The following MAP1A variants were observed in gnomAD, a reference collection of about 807,000 sequenced individuals.
MAP1A encodes the protein microtubule-associated protein 1A.
A neutral mutation model predicts 185.9 loss-of-function variants in MAP1A; 42 were observed. The ratio of observed to expected loss-of-function variants is 0.23; its 90% CI spans 0.18 to 0.29. MAP1A has a LOEUF of 0.29. MAP1A is among the 10% of genes least tolerant of loss of function. MAP1A has a pLI of 1.00. For synonymous variants in MAP1A, 1,229 were observed against 1,335.9 expected (o/e 0.92, Z 1.74); for missense variants, 2,995 against 3,450.4 (o/e 0.87, Z 3.31).
At position 43,523,406 on chromosome 15, in the gene MAP1A, G is replaced by A; in HGVS notation, c.1933G>A (p.Glu645Lys). ...PDRTEAREES[E>K]PEVKEDVIEK... ...CAGAACAGAAGCCAGAGAGGAAAGT[G>A]AACCTGAAGTAAAGGAGGATGTGAT... is the stretch of plus-strand genomic sequence containing the variant. The change falls in exon 4 of 6, where the codon GAA (glutamate) becomes AAA (lysine). Residue 645 changes from glutamate (E) to lysine (K), a missense_variant. Physicochemically the swap from Glu to Lys is moderately conservative, Grantham distance 56. Transcript: ENST00000300231. 1 of 1,613,000 alleles carries A rather than the reference G, an allele frequency of 6.2e-7. No individual in the cohort carries two copies. Among genetic ancestry groups the A allele is most frequent in the Non-Finnish European group, 8.5e-7 (1 of 1,179,396 alleles).
chr15:43,524,101 T>G lies in MAP1A; in HGVS notation c.2628T>G (p.Pro876=). The G allele has an allele frequency of 6.2e-7, 1 of 1,614,132 alleles. No individual in the cohort carries two copies. The highest frequency in any genetic ancestry group is 1.1e-5 in the South Asian group (1 of 91,090). Residue 876 remains proline, a synonymous_variant, in exon 4 of 6, where the codon CCT becomes CCG. Transcript: ENST00000300231. The part of the protein sequence containing the change: ...SLLLDTVTSI[P]SSRTEATQGL... ...TGCTTGACACAGTCACAAGCATCCC[T>G]TCCTCCCGTACTGAAGCTACGCAGG...
At position 43,530,443 on chromosome 15, in the gene MAP1A, G is replaced by A. The variant is rs1595652265; in HGVS notation, c.*219G>A. 1.7e-6 allele frequency: 1 copy of A among 582,726 alleles called. No individual in the cohort carries two copies. The highest frequency in any genetic ancestry group is 2.9e-5 in the East Asian group (1 of 34,156). 36.1% of individuals were successfully genotyped at this position (582,726 alleles called of 1,614,324 possible). A position where few individuals can be genotyped will look rare whatever the true frequency, so the allele number is the denominator to read the frequency against. ...CCAAAGTTAACAGGGAGAGGATGGG[G>A]GAGGGGACAAATTAGAATAGGATAG... On this transcript the variant is annotated 3_prime_UTR_variant, in exon 6 of 6. Coordinates refer to ENST00000300231, the MANE Select transcript of MAP1A (RefSeq NM_002373.6).
chr15:43,523,079 G>A lies in MAP1A; in HGVS notation c.1606G>A (p.Glu536Lys), dbSNP rs2080770032. The change falls in exon 4 of 6, where the codon GAG (glutamate) becomes AAG (lysine). Residue 536 changes from glutamate (E) to lysine (K), a missense_variant. By Grantham distance (56) the Glu-to-Lys change is moderately conservative. Coordinates refer to ENST00000300231, the MANE Select transcript of MAP1A (RefSeq NM_002373.6). Reference protein sequence around the residue: ...SSPEDLTQDFEEMKREERALL... With the variant: ...SSPEDLTQDFKEMKREERALL... ...ACCAGAGGACCTCACACAGGACTTT[G>A]AGGAGATGAAGCGTGAGGAGAGGGC... The A allele has an allele frequency of 6.2e-7, 1 of 1,614,206 alleles. No homozygotes were observed. Among genetic ancestry groups the A allele is most frequent in the Non-Finnish European group, 8.5e-7 (1 of 1,180,028 alleles).
chr15:43,523,578 G>C lies in MAP1A; in HGVS notation c.2105G>C (p.Arg702Pro). Residue 702 changes from arginine to proline, a missense_variant, in exon 4 of 6, where the codon CGG becomes CCG. Around this residue, in one of 3 missense-constraint regions of MAP1A, gnomAD observed 2,728 missense variants for 2,986.0 expected, o/e 0.91. Coordinates refer to ENST00000300231, the MANE Select transcript of MAP1A (RefSeq NM_002373.6). ...TPRSREAFGG[R>P]ELGLQGKAPE... is the part of the protein sequence containing the mutation. ...AGGAGCCGGGAGGCTTTTGGGGGTC[G>C]GGAATTGGGACTCCAGGGCAAGGCC... 6.2e-7 allele frequency: 1 copy of C among 1,614,126 alleles called. No homozygotes were observed. Among genetic ancestry groups the C allele is most frequent in the Non-Finnish European group, 8.5e-7 (1 of 1,180,016 alleles).
chr15:43,512,900 C>T (rs1184144889), upstream of MAP1A, among the ~76,000 whole-genome samples: 1 of 152,168 alleles, frequency 6.6e-6, no homozygotes, highest in African/African-American at 2.4e-5. Context: ...CAGATCAAAG[C>T]TCACATAATG....
At position 43,523,920 on chromosome 15, in the gene MAP1A, T is replaced by A. The variant is rs1166285872; in HGVS notation, c.2447T>A (p.Val816Glu). The change falls in exon 4 of 6, where the codon GTG (valine) becomes GAG (glutamate). Residue 816 changes from valine to glutamate, a missense_variant. Val to Glu is a moderately radical substitution (Grantham distance 121). Transcript: ENST00000300231. ...ETELTYPTNI[V>E]AAPLAEEEHV... is the part of the protein sequence containing the mutation. ...GAACTCACCTACCCCACTAACATAGTGGCTGCCCCTTTGGCTGAAGAGGAA... is the reference window on the plus strand; with the variant it reads ...GAACTCACCTACCCCACTAACATAGAGGCTGCCCCTTTGGCTGAAGAGGAA... 1 of 1,614,178 alleles carries A rather than the reference T, an allele frequency of 6.2e-7. No homozygotes were observed. The highest frequency in any genetic ancestry group is 1.1e-5 in the South Asian group (1 of 91,078).
exon 2 of MAP1A, chr15:43,512,229 T>C (rs2140199677): frequency 6.5e-7 from 1 of 1,550,262 alleles, no homozygotes; most frequent in South Asian, 1.2e-5. Context: ...TCCTTTGACT[T>C]GAACCAACAG....
At position 43,528,436 on chromosome 15, in the gene MAP1A, T is replaced by A. The variant is rs200984616; in HGVS notation, c.6963T>A (p.Ala2321=). The part of the protein sequence containing the change: ...PASLDLALAP[A]PSLPGDMGDG... ...CACTGGACTTGGCCCTAGCTCCAGCTCCAAGCCTGCCTGGAGACATGGGTG... is the reference window on the plus strand; with the variant it reads ...CACTGGACTTGGCCCTAGCTCCAGCACCAAGCCTGCCTGGAGACATGGGTG... The change falls in exon 4 of 6, where the codon GCT becomes GCA. Residue 2321 remains alanine (A), a synonymous_variant. Transcript: ENST00000300231. 3.1e-6 allele frequency: 5 copies of A among 1,613,528 alleles called. No individual in the cohort carries two copies. The highest frequency in any genetic ancestry group is 4.2e-6 in the Non-Finnish European group (5 of 1,180,020).
In MAP1A at chr15:43,521,516, G is replaced by A; in HGVS notation, c.43G>A (p.Val15Met). ...AEFSEYVSETVDVPSPFDLLE... is the reference protein window; with the variant it reads ...AEFSEYVSETMDVPSPFDLLE... ...GTTCTCCGAGTATGTCTCTGAGACT[G>A]TGGACGTGCCATCCCCATTTGACCT... Residue 15 changes from valine to methionine, a missense_variant, in exon 4 of 6, where the codon GTG becomes ATG. Val to Met is a conservative substitution (Grantham distance 21). Transcript: ENST00000300231. The surrounding 1 kb of genome is among the most constrained non-coding windows in gnomAD (Gnocchi z 4.6). 1 of 1,614,156 alleles carries A rather than the reference G, an allele frequency of 6.2e-7. No homozygotes were observed. Among genetic ancestry groups the A allele is most frequent in the Non-Finnish European group, 8.5e-7 (1 of 1,180,016 alleles).
chr15:43,522,802 C>T lies in MAP1A; in HGVS notation c.1329C>T (p.Ala443=), dbSNP rs748859421. The change falls in exon 4 of 6, where the codon GCC becomes GCT. Residue 443 remains alanine, a synonymous_variant. Coordinates refer to ENST00000300231, the MANE Select transcript of MAP1A (RefSeq NM_002373.6). The surrounding 1 kb of genome is among the most constrained non-coding windows in gnomAD (Gnocchi z 5.9). ...DEGRKEEKKD[A]KKEEKRKDTK... is the part of the protein sequence containing the mutation. ...GAAGGAAGGAGGAGAAGAAGGATGC[C>T]AAGAAGGAGGAGAAGAGGAAAGATA... 1 of 1,576,560 alleles carries T rather than the reference C, an allele frequency of 6.3e-7. No individual in the cohort carries two copies. Among genetic ancestry groups the T allele is most frequent in the South Asian group, 1.2e-5 (1 of 86,870 alleles).
Position 43,521,314 on chromosome 15 carries a change from ATTC to A in MAP1A, c.-150-5_-150-3del, listed in dbSNP as rs2079318237. Reference sequence around the variant, plus strand: ...TGACCTGATCAGGTTTCTATCTCCTATTCTTCTAGATTTCCCAATTGCTCAGCA... The same window carrying A: ...TGACCTGATCAGGTTTCTATCTCCTATTCTAGATTTCCCAATTGCTCAGCA... On this transcript the variant is annotated splice_polypyrimidine_tract_variant and splice_region_variant and intron_variant, in intron 3 of 5. Transcript: ENST00000300231. This position sits in a 1 kb window ranked among gnomAD's most constrained non-coding sequence, Gnocchi z 4.6. The A allele has an allele frequency of 6.3e-7, 1 of 1,596,190 alleles. No homozygotes were observed. Among genetic ancestry groups the A allele is most frequent in the East Asian group, 2.3e-5 (1 of 44,068 alleles).
Position 43,530,224 on chromosome 15 carries a change from A to G in MAP1A, c.8412A>G (p.Ter2804TrpextTer16). Reference sequence around the variant, plus strand: ...TCCCTGCCTGCAAGATTGAGTTCTGAAAGAGCCGCCCTCCCTTCCCCAAGG... The same window carrying G: ...TCCCTGCCTGCAAGATTGAGTTCTGGAAGAGCCGCCCTCCCTTCCCCAAGG... Reference protein sequence around the residue: ...ESFPACKIEF* With the variant: ...ESFPACKIEFW Residue 2804 changes from the stop codon to tryptophan (W), a stop_lost, in exon 6 of 6, where the codon TGA becomes TGG. Coordinates refer to ENST00000300231, the MANE Select transcript of MAP1A (RefSeq NM_002373.6). 1 of 1,613,962 alleles carries G rather than the reference A, an allele frequency of 6.2e-7. No individual in the cohort carries two copies. The highest frequency in any genetic ancestry group is 1.1e-5 in the South Asian group (1 of 91,066).
At chr15:43,512,300 T>G (rs1369754214) in intron 2 of MAP1A, 5 of 1,506,970 alleles carry the variant, frequency 3.3e-6, no homozygotes, top group Admixed American at 3.9e-5. Context: ...AGGTTAGGAC[T>G]AATGTTTTAT....
chr15:43,527,555 T>C lies in MAP1A; in HGVS notation c.6082T>C (p.Ser2028Pro). Residue 2028 changes from serine to proline, a missense_variant, in exon 4 of 6, where the codon TCT (serine) becomes CCT (proline). Physicochemically the swap from Ser to Pro is moderately conservative, Grantham distance 74 (BLOSUM62 -1). This residue lies in a region of MAP1A where 2,728 missense variants were observed against 2,986.0 expected (regional missense o/e 0.91). Transcript: ENST00000300231. Reference protein sequence around the residue: ...SSPISPKSLQSDTPTFSYAAL... With the variant: ...SSPISPKSLQPDTPTFSYAAL... ...TCCTATCTCACCCAAGAGCCTCCAG[T>C]CTGACACTCCAACCTTCAGCTATGC... 3.7e-6 allele frequency: 6 copies of C among 1,614,000 alleles called. No homozygotes were observed. The highest frequency in any genetic ancestry group is 1.3e-5 in the African/African-American group (1 of 74,994).
chr15:43,525,876 A>C lies in MAP1A; in HGVS notation c.4403A>C (p.Asp1468Ala), dbSNP rs2079341103. Reference sequence around the variant, plus strand: ...AAGGATACAGCCCTGGAACAGAAGGACAAGGCCCTGGAACCAAAAGATAAA... The same window carrying C: ...AAGGATACAGCCCTGGAACAGAAGGCCAAGGCCCTGGAACCAAAAGATAAA... ...EQKDTALEQK[D>A]KALEPKDKDL... The change falls in exon 4 of 6, where the codon GAC (aspartate) becomes GCC (alanine). Residue 1468 changes from aspartate to alanine, a missense_variant. This residue lies in a region of MAP1A where 2,728 missense variants were observed against 2,986.0 expected (regional missense o/e 0.91). Coordinates refer to ENST00000300231, the MANE Select transcript of MAP1A (RefSeq NM_002373.6). 6.2e-7 allele frequency: 1 copy of C among 1,613,042 alleles called. No homozygotes were observed. The highest frequency in any genetic ancestry group is 8.5e-7 in the Non-Finnish European group (1 of 1,179,596).
rs1174349522 is a variant in MAP1A at position 43,520,992 on chromosome 15, C to T, written c.-271C>T. The T allele has an allele frequency of 6.5e-7, 1 of 1,550,024 alleles. No individual in the cohort carries two copies. The highest frequency in any genetic ancestry group is 8.7e-7 in the Non-Finnish European group (1 of 1,146,660). ...TCCAGGTTCATCATCTTCTTAGCAG[C>T]TCATCAGCTTATAAACTACTAATCT... On this transcript the variant is annotated 5_prime_UTR_variant, in exon 3 of 6. Coordinates refer to ENST00000300231, the MANE Select transcript of MAP1A (RefSeq NM_002373.6).
At position 43,521,219 on chromosome 15, in the gene MAP1A, G is replaced by T; in HGVS notation, c.-150-105G>T. ...TGACCATGGGGGGCCCTGGCAGAAA[G>T]GTAAGAGTCCACCTTGGAAAGAGGT... On this transcript the variant is annotated intron_variant, in intron 3 of 5. Coordinates refer to ENST00000300231, the MANE Select transcript of MAP1A (RefSeq NM_002373.6). The surrounding 1 kb of genome is among the most constrained non-coding windows in gnomAD (Gnocchi z 4.6). The T allele has an allele frequency of 1.4e-6, 2 of 1,475,432 alleles. No individual in the cohort carries two copies. Among genetic ancestry groups the T allele is most frequent in the Admixed American group, 2.4e-5 (1 of 41,948 alleles). 91.4% of individuals were successfully genotyped at this position (1,475,432 alleles called of 1,614,324 possible).
Position 43,527,883 on chromosome 15 carries a change from C to T in MAP1A, c.6410C>T (p.Thr2137Ile), listed in dbSNP as rs775297214. The change falls in exon 4 of 6, where the codon ACA (threonine) becomes ATA (isoleucine). Residue 2137 changes from threonine (T) to isoleucine (I), a missense_variant. Thr to Ile is a moderately conservative substitution (Grantham distance 89). Around this residue, in one of 3 missense-constraint regions of MAP1A, gnomAD observed 2,728 missense variants for 2,986.0 expected, o/e 0.91. Transcript: ENST00000300231. ...PPHPIPMGSP[T>I]LWPETEAHVS... Reference sequence around the variant, plus strand: ...CACCCCATTCCTATGGGGTCCCCCACATTATGGCCAGAAACTGAGGCACAT... The same window carrying T: ...CACCCCATTCCTATGGGGTCCCCCATATTATGGCCAGAAACTGAGGCACAT... 2 of 1,614,182 alleles carry T rather than the reference C, an allele frequency of 1.2e-6. No homozygotes were observed. The highest frequency in any genetic ancestry group is 1.1e-5 in the South Asian group (1 of 91,084).
chr15:43,523,514 T>C lies in MAP1A; in HGVS notation c.2041T>C (p.Tyr681His). 5 of 1,614,102 alleles carry C rather than the reference T, an allele frequency of 3.1e-6. No homozygotes were observed. The highest frequency in any genetic ancestry group is 4.2e-6 in the Non-Finnish European group (5 of 1,179,998). The change falls in exon 4 of 6, where the codon TAC (tyrosine) becomes CAC (histidine). Residue 681 changes from tyrosine (Y) to histidine (H), a missense_variant. Tyr to His is a moderately conservative substitution (Grantham distance 83). Around this residue, in one of 3 missense-constraint regions of MAP1A, gnomAD observed 2,728 missense variants for 2,986.0 expected, o/e 0.91. Coordinates refer to ENST00000300231, the MANE Select transcript of MAP1A (RefSeq NM_002373.6). ...EEDATKAEGF[Y>H]QKHMQEPLKV... ...GGACGCGACAAAAGCTGAGGGTTTTTACCAAAAACATATGCAGGAACCCTT... is the reference window on the plus strand; with the variant it reads ...GGACGCGACAAAAGCTGAGGGTTTTCACCAAAAACATATGCAGGAACCCTT...
Sources: allele counts gnomAD v4.1 joint callset (sites outside exome capture counted in the v4.1 genomes callset), GRCh38; gene constraint gnomAD v4.1.1; regional missense constraint gnomAD v4.1.1; non-coding constraint Gnocchi (gnomAD v3.1); transcripts MANE v1.5; gene names NCBI Gene and HGNC (gene_info 2026-07-23, HGNC 2026-07-21).